PTPRN2: variants seen among roughly 807,000 people sequenced by gnomAD.
PTPRN2 encodes receptor-type tyrosine-protein phosphatase N2.
A neutral mutation model predicts 118.8 loss-of-function variants in PTPRN2; 74 were observed. That is an observed-to-expected ratio of 0.62 (90% CI 0.52 to 0.76). The LOEUF is 0.76. PTPRN2 is among the 30% of genes least tolerant of loss of function. PTPRN2 has a pLI of 0.00. For synonymous variants in PTPRN2, 641 were observed against 608.0 expected (o/e 1.05, Z -0.80); for missense variants, 1,481 against 1,394.4 (o/e 1.06, Z -0.99).
chr7:157,855,854 A>G (rs1253637498), intron 12 of PTPRN2: 2 of 152,232 alleles, frequency 1.3e-5, no homozygotes, highest in Non-Finnish European at 2.9e-5. Context: ...TCTGGTGATT[A>G]TTTCAGGGAC....
chr7:158,258,218 C>G (rs925773468), intron 3 of PTPRN2, among the ~76,000 whole-genome samples: 1 of 152,162 alleles, frequency 6.6e-6, no homozygotes, highest in African/African-American at 2.4e-5. Context: ...ACATTTCCTC[C>G]GCTCTGTCTG....
intron 3 of PTPRN2, among the ~76,000 whole-genome samples, chr7:158,223,290 T>C (rs979656930): frequency 2.6e-5 from 4 of 152,072 alleles, no homozygotes; most frequent in Non-Finnish European, 5.9e-5. Context: ...TTCCAGAAAA[T>C]AGAAGGCGAG....
At chr7:158,315,095 AAAGGACAGAGGTGAACCCGGGACCCCCTG>A (rs1563124516) in intron 3 of PTPRN2, among the ~76,000 whole-genome samples, 4 of 22,390 alleles carry the variant, frequency 1.8e-4, no homozygotes, top group African/African-American at 4.7e-4. Context: ...GGGACCCCCT[AAAGGACAGAGGTGAACCCGGGACCCCCTG>A]AAGGACAGAG....
At chr7:158,020,508 G>A (rs1298006429) in intron 11 of PTPRN2, among the ~76,000 whole-genome samples, 10 of 152,300 alleles carry the variant, frequency 6.6e-5, no homozygotes, top group African/African-American at 1.4e-4. Context: ...TGCATCCTAC[G>A]TCCCGAGGTC....
rs1798156107 is a variant in PTPRN2, at chr7:158,269,579, T to G, written c.277+47240A>C. Among the ~76,000 whole-genome samples the G allele has an allele frequency of 4.6e-5, 7 of 151,928 alleles. No homozygotes were observed. The South Asian group carries it at 1.5e-3, about 32-fold the overall frequency. ...CCAGTTTTCAAGTCCCTGGGGTGGG[T>G]AAAGGATGCTTCAAGAAGAAAGTGC... On this transcript the variant is annotated intron_variant, in intron 3 of 22. Coordinates refer to ENST00000389418, the MANE Select transcript of PTPRN2 (RefSeq NM_002847.5).
At chr7:158,306,819 G>A (rs1039660289) in intron 3 of PTPRN2, among the ~76,000 whole-genome samples, 6 of 151,336 alleles carry the variant, frequency 4.0e-5, no homozygotes, top group Non-Finnish European at 7.4e-5. Context: ...AAGCCAAATG[G>A]CTTACAAGAC....
At chr7:157,812,006 G>A (rs1563135021) in intron 12 of PTPRN2, among the ~76,000 whole-genome samples, 2 of 152,168 alleles carry the variant, frequency 1.3e-5, no homozygotes, top group African/African-American at 4.8e-5. Flanking sequence ...AGTGAAAAAA[G>A]CCTCGCTCTG....
intron 15 of PTPRN2, chr7:157,616,696 T>A (rs1278758726): frequency 6.6e-6 from 1 of 151,990 alleles, no homozygotes; most frequent in Non-Finnish European, 1.5e-5. Flanking sequence ...AACCTTTTTC[T>A]ATGGAAGGAA....
At chr7:158,385,585 T>C (rs1018902429) in intron 2 of PTPRN2, among the ~76,000 whole-genome samples, 2 of 152,200 alleles carry the variant, frequency 1.3e-5, no homozygotes, top group African/African-American at 4.8e-5. Flanking sequence ...TTAATGATAA[T>C]AATGCCTTAA....
chr7:157,998,069 G>GGGGGAGAGGAGTGCAGGGTGC (rs1165576996), intron 11 of PTPRN2, among the ~76,000 whole-genome samples: 17 of 109,420 alleles, frequency 1.6e-4, no homozygotes, highest in Admixed American at 2.8e-4. Context: ...GTGCAGGGTG[G>GGGGGAGAGGAGTGCAGGGTGC]GGGGAGAGGA....
intron 15 of PTPRN2, among the ~76,000 whole-genome samples, chr7:157,607,608 C>G (rs1221595308): frequency 6.6e-6 from 1 of 152,220 alleles, no homozygotes; most frequent in African/African-American, 2.4e-5. Flanking sequence ...AGTGGCCTGG[C>G]CTCTACGGAG....
rs546101461 is a variant in PTPRN2 at position 157,603,657 on chromosome 7, C to G, written c.2418+345G>C. On this transcript the variant is annotated intron_variant, in intron 16 of 22. Transcript: ENST00000389418. The surrounding 1 kb of genome is among the most constrained non-coding windows in gnomAD (Gnocchi z 5.4). ...CATGTCCCCATGCCCCATGAATATA[C>G]AGGGAATGTGTAGCTCCAGGAAAGA... Among the ~76,000 whole-genome samples the G allele has an allele frequency of 6.6e-6, 1 of 152,204 alleles. No individual in the cohort carries two copies. Among genetic ancestry groups the G allele is most frequent in the Admixed American group, 6.5e-5 (1 of 15,286 alleles).
At chr7:158,134,188 G>C in intron 8 of PTPRN2, 129 bp from the exon 9 acceptor site, 2 of 1,063,916 alleles carry the variant, frequency 1.9e-6, no homozygotes, top group Non-Finnish European at 2.7e-6. Flanking sequence ...GAGTGTGGGA[G>C]GAAGGCGAAG....
chr7:157,908,910 A>G (rs1379449908), intron 11 of PTPRN2, among the ~76,000 whole-genome samples: 2 of 152,210 alleles, frequency 1.3e-5, no homozygotes, highest in Non-Finnish European at 2.9e-5. Flanking sequence ...ATTTTTAATG[A>G]AAATACTTCT....
At chr7:157,634,334 T>C (rs1804164295) in intron 14 of PTPRN2, among the ~76,000 whole-genome samples, 1 of 152,238 alleles carries the variant, frequency 6.6e-6, no homozygotes, top group African/African-American at 2.4e-5. Context: ...ATATTTCCAA[T>C]AGCCTTCATG....
intron 12 of PTPRN2, among the ~76,000 whole-genome samples, chr7:157,849,873 G>A (rs117801848): frequency 0.02 from 2,997 of 152,288 alleles, 49 homozygotes; most frequent in South Asian, 0.11. Context: ...CATGGAGGAG[G>A]GGAAGACGGC....
chr7:157,999,029 C>T (rs559289530), intron 11 of PTPRN2, among the ~76,000 whole-genome samples: 41 of 151,908 alleles, frequency 2.7e-4, no homozygotes, highest in Non-Finnish European at 4.6e-4. Context: ...GGGGCGGTCC[C>T]GGGTCCGATC....
chr7:157,809,710 G>T (rs539782628), intron 12 of PTPRN2, among the ~76,000 whole-genome samples: 2 of 152,170 alleles, frequency 1.3e-5, no homozygotes, highest in African/African-American at 4.8e-5. Flanking sequence ...GCCACAGAGA[G>T]TCGCCCGAGA....
At position 157,632,426 on chromosome 7, in the gene PTPRN2, T is replaced by C. The variant is rs1032999094; in HGVS notation, c.2197-10917A>G. 6.6e-6 allele frequency among the ~76,000 whole-genome samples: 1 copy of C among 152,258 alleles called. No homozygotes were observed. Among genetic ancestry groups the C allele is most frequent in the African/African-American group, 2.4e-5 (1 of 41,468 alleles). The stretch of plus-strand genomic sequence containing the variant: ...AAACCCCAATGGAAGATGTTAATAG[T>C]GAACACATTGTGTTCTAGAAATGTT... On this transcript the variant is annotated intron_variant, in intron 14 of 22. Transcript: ENST00000389418. The surrounding 1 kb of genome is among the most constrained non-coding windows in gnomAD (Gnocchi z 4.3).
Sources: allele counts gnomAD v4.1 joint callset (sites outside exome capture counted in the v4.1 genomes callset), GRCh38; gene constraint gnomAD v4.1.1; non-coding constraint Gnocchi (gnomAD v3.1); transcripts MANE v1.5; gene names NCBI Gene and HGNC (gene_info 2026-07-23, HGNC 2026-07-21).